Variants in FGF12 observed in about 807,000 individuals in gnomAD.
FGF12 encodes the protein fibroblast growth factor 12, also known as fibroblast growth factor 12B.
FGF12 carries 14 observed loss-of-function variants against 23.6 expected under a neutral mutation model. The observed-to-expected ratio is 0.59, with a 90% confidence interval of 0.39 to 0.93. FGF12 has a LOEUF of 0.93. Among genes scored for constraint, FGF12 ranks in the 40% least tolerant of loss-of-function variants. The probability of loss-of-function intolerance (pLI) is 0.00; values close to 1 mark genes in which losing one functional copy is unlikely to be tolerated. For synonymous variants in FGF12, 62 were observed against 77.3 expected, an observed-to-expected ratio of 0.80 and a Z score of 1.04; for missense variants, 175 against 217.8, an observed-to-expected ratio of 0.80 and a Z score of 1.24.
chr3:192,658,533 G>C (rs1716531732), intron 2 of FGF12, among the ~76,000 whole-genome samples: 1 of 152,194 alleles, frequency 6.6e-6, no homozygotes, highest in Non-Finnish European at 1.5e-5. Context: ...GTGCTAACCA[G>C]TAAACAAAGT....
At chr3:192,194,240 A>C (rs2108652118) in intron 4 of FGF12, among the ~76,000 whole-genome samples, 1 of 152,316 alleles carries the variant, frequency 6.6e-6, no homozygotes, top group South Asian at 2.1e-4. Context: ...GGTCTGCCCA[A>C]ATTGTTAAAG....
chr3:192,466,678 C>T (rs904577290), intron 2 of FGF12, among the ~76,000 whole-genome samples: 4 of 152,120 alleles, frequency 2.6e-5, no homozygotes, highest in Non-Finnish European at 5.9e-5. Context: ...TTAATGTTGG[C>T]AAATTTCCTG....
chr3:192,317,508 G>A (rs1247895960), intron 4 of FGF12, among the ~76,000 whole-genome samples: 1 of 152,008 alleles, frequency 6.6e-6, no homozygotes, highest in Non-Finnish European at 1.5e-5. Flanking sequence ...TTAAGGAAAG[G>A]GAAAAAGGAA....
intron 3 of FGF12, among the ~76,000 whole-genome samples, chr3:192,349,876 C>G (rs1304666624): frequency 6.6e-6 from 1 of 152,068 alleles, no homozygotes; most frequent in Non-Finnish European, 1.5e-5. Flanking sequence ...TGTGAATTCA[C>G]TTTCATTCAT....
At chr3:192,289,611 T>C (rs1164686897) in intron 4 of FGF12, among the ~76,000 whole-genome samples, 1 of 152,014 alleles carries the variant, frequency 6.6e-6, no homozygotes, top group Non-Finnish European at 1.5e-5. Flanking sequence ...GAGCAAACAA[T>C]CCAGAGTGGG....
chr3:192,213,196 G>T (rs572099732), intron 4 of FGF12, among the ~76,000 whole-genome samples: 18 of 152,226 alleles, frequency 1.2e-4, no homozygotes, highest in Non-Finnish European at 2.4e-4. Context: ...GCAAGCGAGC[G>T]CCAGAGCAGC....
chr3:192,627,326 T>C (rs1444670688), intron 2 of FGF12, among the ~76,000 whole-genome samples: 1 of 152,028 alleles, frequency 6.6e-6, no homozygotes, highest in Non-Finnish European at 1.5e-5. Context: ...ATAAAACATA[T>C]AAAATACTAT....
chr3:192,447,562 G>A (rs901259354), intron 2 of FGF12, among the ~76,000 whole-genome samples: 1 of 152,068 alleles, frequency 6.6e-6, no homozygotes, highest in African/African-American at 2.4e-5. Context: ...TTTACATAGT[G>A]GCAATAATAC....
At chr3:192,147,966 G>C (rs1713817399) in intron 5 of FGF12, among the ~76,000 whole-genome samples, 1 of 151,648 alleles carries the variant, frequency 6.6e-6, no homozygotes, top group African/African-American at 2.4e-5. Flanking sequence ...AAAGTAACAA[G>C]AGTTGGTGAG....
intron 2 of FGF12, among the ~76,000 whole-genome samples, chr3:192,476,739 G>A (rs1456646834): frequency 6.6e-6 from 1 of 152,130 alleles, no homozygotes; most frequent in Non-Finnish European, 1.5e-5. Flanking sequence ...CTAGAAGAAA[G>A]GTTGTCTGGA....
At chr3:192,164,348 T>C (rs953186667) in intron 5 of FGF12, among the ~76,000 whole-genome samples, 4 of 152,134 alleles carry the variant, frequency 2.6e-5, no homozygotes, top group Non-Finnish European at 4.4e-5. Flanking sequence ...GCAATGTACA[T>C]AGTAATGTGC....
At chr3:192,695,773 C>T (rs1416664007) in intron 2 of FGF12, among the ~76,000 whole-genome samples, 1 of 152,040 alleles carries the variant, frequency 6.6e-6, no homozygotes, top group African/African-American at 2.4e-5. Flanking sequence ...AATTAGTTGG[C>T]GAGGATGAGG....
At chr3:192,528,308 G>C (rs570809663) in intron 2 of FGF12, among the ~76,000 whole-genome samples, 52 of 152,210 alleles carry the variant, frequency 3.4e-4, no homozygotes, top group Non-Finnish European at 6.2e-4. Flanking sequence ...AATCCAGTGG[G>C]GTAGTCAAAT....
chr3:192,269,468 A>AG (rs1354535152), intron 4 of FGF12, among the ~76,000 whole-genome samples: 2 of 152,196 alleles, frequency 1.3e-5, no homozygotes, highest in African/African-American at 4.8e-5. Flanking sequence ...TCCCAAACCC[A>AG]GGGGTTATCA....
intron 4 of FGF12, among the ~76,000 whole-genome samples, chr3:192,277,839 T>C (rs1266195813): frequency 6.6e-6 from 1 of 152,228 alleles, no homozygotes; most frequent in Non-Finnish European, 1.5e-5. Context: ...CTCAGCCCAC[T>C]GCAACCTTCA....
intron 2 of FGF12, among the ~76,000 whole-genome samples, chr3:192,385,906 C>G (rs1720021507): frequency 6.6e-6 from 1 of 152,296 alleles, no homozygotes; most frequent in African/African-American, 2.4e-5. Flanking sequence ...CTTGCCACCA[C>G]AGACGTGGAC....
chr3:192,525,439 CCAAT>C (rs1480544293), intron 2 of FGF12, among the ~76,000 whole-genome samples: 1 of 152,204 alleles, frequency 6.6e-6, no homozygotes, highest in Non-Finnish European at 1.5e-5. Context: ...TAACTTATCT[CCAAT>C]CAGAGAGTAT....
At chr3:192,243,027 C>T (rs1032885637) in intron 4 of FGF12, among the ~76,000 whole-genome samples, 1 of 151,964 alleles carries the variant, frequency 6.6e-6, no homozygotes, top group Non-Finnish European at 1.5e-5. Context: ...TGGAAAAACA[C>T]ATAATATTCA....
chr3:192,495,916 G>T (rs909963918), intron 2 of FGF12, among the ~76,000 whole-genome samples: 4 of 152,032 alleles, frequency 2.6e-5, no homozygotes, highest in Non-Finnish European at 4.4e-5. Flanking sequence ...ACCCATCCCG[G>T]CCTCCCAAAT....
Sources: allele counts gnomAD v4.1 joint callset (sites outside exome capture counted in the v4.1 genomes callset), GRCh38; gene constraint gnomAD v4.1.1; transcripts MANE v1.5; gene names NCBI Gene and HGNC (gene_info 2026-07-23, HGNC 2026-07-21).